TMEM132E: variants seen among roughly 807,000 people sequenced by gnomAD.
The protein encoded by TMEM132E is transmembrane protein 132E.
Under a neutral mutation model 78.5 loss-of-function variants are expected in TMEM132E, and 49 were observed. The ratio of observed to expected loss-of-function variants is 0.62; its 90% CI spans 0.50 to 0.79. The LOEUF is 0.79. Ranked by LOEUF, TMEM132E falls within the 30% of genes least tolerant of loss-of-function variation. The probability of loss-of-function intolerance (pLI) is 0.00; values close to 1 mark genes in which losing one functional copy is unlikely to be tolerated. For synonymous variants in TMEM132E, 715 were observed against 670.6 expected (o/e 1.07, Z -1.02); for missense variants, 1,403 against 1,470.9 (o/e 0.95, Z 0.75).
In TMEM132E at chr17:34,582,798, A is replaced by C. The variant is rs151008378; in HGVS notation, c.67+1655A>C. On this transcript the variant is annotated intron_variant, in intron 1 of 8. Transcript: ENST00000631683. ...CCTGCCCAGTAGGAGGAAGCCCAGA[A>C]ACCCAGGCCTGAGTCTAGGTGGGTT... Among the ~76,000 whole-genome samples the C allele has an allele frequency of 7.2e-5, 11 of 152,176 alleles. No homozygotes were observed. In the East Asian group the frequency reaches 2.1e-3, roughly 29 times the overall value.
intron 5 of TMEM132E, among the ~76,000 whole-genome samples, chr17:34,631,634 C>T (rs1462965475): frequency 1.3e-5 from 2 of 152,144 alleles, no homozygotes; most frequent in Non-Finnish European, 2.9e-5. Context: ...CTGTCCCATC[C>T]CTCCACCCAC....
intron 5 of TMEM132E, 82 bp from the exon 6 acceptor site, chr17:34,632,621 TG>T (rs1234139540): frequency 2.0e-6 from 3 of 1,466,942 alleles, no homozygotes; most frequent in South Asian, 1.2e-5. Flanking sequence ...CCTCCAGCCC[TG>T]GTTGTCAGAC....
Position 34,580,922 on chromosome 17 carries a change from CAA to C in TMEM132E, c.-153_-152del. On this transcript the variant is annotated 5_prime_UTR_variant, in exon 1 of 9. Transcript: ENST00000631683. The stretch of plus-strand genomic sequence containing the variant: ...CAGCGCCTGGGACGCCCCCTCCCCG[CAA>C]AGTGTCCCCGAATTGCACTCTCTGG... 2.0e-6 allele frequency: 1 copy of C among 505,886 alleles called. No homozygotes were observed. The highest frequency in any genetic ancestry group is 3.5e-5 in the South Asian group (1 of 28,938). The allele number at this position is 505,886 out of a possible 1,614,324, so 31.3% of individuals were successfully genotyped here. A position where few individuals can be genotyped will look rare whatever the true frequency, so the allele number is the denominator to read the frequency against.
intron 1 of TMEM132E, among the ~76,000 whole-genome samples, chr17:34,622,355 T>G (rs772808387): frequency 6.6e-6 from 1 of 152,158 alleles, no homozygotes; most frequent in Non-Finnish European, 1.5e-5. Flanking sequence ...CCTGCTCCAA[T>G]GCTGAGGAGA....
Position 34,636,177 on chromosome 17 carries a change from G to C in TMEM132E, c.2148G>C (p.Gln716His). The C allele has an allele frequency of 4.6e-6, 7 of 1,520,390 alleles. No individual in the cohort carries two copies. The highest frequency in any genetic ancestry group is 6.2e-6 in the Non-Finnish European group (7 of 1,135,094). 94.2% of individuals were successfully genotyped at this position (1,520,390 alleles called of 1,614,324 possible). A position where few individuals can be genotyped will look rare whatever the true frequency, so the allele number is the denominator to read the frequency against. ...TCCTAGCCACCACAGCTGCCCAACA[G>C]ACCTTGAGCTTCCTCAAGCAGGTAA... ...HTILATTAAQ[Q>H]TLSFLKQEAL... Residue 716 changes from glutamine to histidine, a missense_variant, in exon 8 of 9, where the codon CAG (glutamine) becomes CAC (histidine). Transcript: ENST00000631683.
At chr17:34,613,211 A>ACACACGCGCGCGCGCG in intron 1 of TMEM132E, among the ~76,000 whole-genome samples, 45 of 115,968 alleles carry the variant, frequency 3.9e-4, no homozygotes, top group Admixed American at 5.9e-4. Context: ...ACACACACAC[A>ACACACGCGCGCGCGCG]CGCGCGCGCG....
In TMEM132E at chr17:34,629,087, G is replaced by C. The variant is rs8079978; in HGVS notation, c.1221G>C (p.Arg407=). Reference sequence around the variant, plus strand: ...ACTTCACCAGCCAGTCAGTCAAGCGGAGGATCATGTGGCACATTGACTACC... The same window carrying C: ...ACTTCACCAGCCAGTCAGTCAAGCGCAGGATCATGTGGCACATTGACTACC... ...MENFTSQSVK[R]RIMWHIDYRG... is the part of the protein sequence containing the mutation. The change falls in exon 4 of 9, where the codon CGG becomes CGC. Residue 407 remains arginine (R), a synonymous_variant. Coordinates refer to ENST00000631683, the MANE Select transcript of TMEM132E (RefSeq NM_001304438.2). 12,579 of 1,611,088 alleles carry C rather than the reference G, an allele frequency of 7.8e-3. 554 individuals carry two copies. The South Asian group carries it at 0.088, about 11-fold the overall frequency.
chr17:34,600,146 C>G (rs1555562455), intron 1 of TMEM132E, among the ~76,000 whole-genome samples: 1 of 152,230 alleles, frequency 6.6e-6, no homozygotes, highest in Non-Finnish European at 1.5e-5. Flanking sequence ...GTCCCCTGTT[C>G]TAGGACCCAG....
Position 34,638,399 on chromosome 17 carries a change from C to T in TMEM132E, c.*167C>T, listed in dbSNP as rs1907624950. The T allele has an allele frequency of 1.2e-5, 8 of 688,606 alleles. 1 individual carries two copies. In the East Asian group the frequency reaches 2.0e-4, roughly 17 times the overall value. 42.7% of individuals were successfully genotyped at this position (688,606 alleles called of 1,614,324 possible). On this transcript the variant is annotated 3_prime_UTR_variant, in exon 9 of 9. Transcript: ENST00000631683. Reference sequence around the variant, plus strand: ...GAGCGGGCCGCCTCAGTGTCTGGGCCTTCCCTCGCCTCACGCCATTACCCT... The same window carrying T: ...GAGCGGGCCGCCTCAGTGTCTGGGCTTTCCCTCGCCTCACGCCATTACCCT...
At chr17:34,625,643 C>T (rs1018560209) in intron 1 of TMEM132E, among the ~76,000 whole-genome samples, 4 of 149,394 alleles carry the variant, frequency 2.7e-5, no homozygotes, top group African/African-American at 1.0e-4. Context: ...ATGAAATACG[C>T]TAAGGCCTGT....
intron 1 of TMEM132E, among the ~76,000 whole-genome samples, chr17:34,598,143 G>T (rs528851435): frequency 6.6e-6 from 1 of 152,204 alleles, no homozygotes; most frequent in Non-Finnish European, 1.5e-5. Flanking sequence ...GAGAGTGGAG[G>T]TACCTCCCTA....
At position 34,638,265 on chromosome 17, in the gene TMEM132E, C is replaced by CCCCA. The variant is rs1555565383; in HGVS notation, c.*35_*36insCACC. On this transcript the variant is annotated 3_prime_UTR_variant, in exon 9 of 9. Coordinates refer to ENST00000631683, the MANE Select transcript of TMEM132E (RefSeq NM_001304438.2). The stretch of plus-strand genomic sequence containing the variant: ...AGCCGGAGTAGCAGGGACCCCCCCC[C>CCCCA]CCAACGGGGTCAGCTCGGGGTAGGA... The CCCCA allele has an allele frequency of 5.4e-6, 8 of 1,470,568 alleles. No homozygotes were observed. In the African/African-American group the frequency reaches 1.1e-4, roughly 19 times the overall value. 91.1% of individuals were successfully genotyped at this position (1,470,568 alleles called of 1,614,324 possible).
Position 34,637,506 on chromosome 17 carries a change from CG to C in TMEM132E, c.2504del (p.Gly835AlafsTer50). ...CGGGCCCCAGCCAACCAGGGCCCGGCGGGGGCGAGGACGAGGCCCGGGGAGC... is the reference window on the plus strand; with the variant it reads ...CGGGCCCCAGCCAACCAGGGCCCGGCGGGGCGAGGACGAGGCCCGGGGAGC... ...YPGPSQPGPGGGEDEARGAGP... is the reference protein window; with the variant it reads ...YPGPSQPGPGXGEDEARGAGP... On this transcript the variant is annotated frameshift_variant, in exon 9 of 9. Transcript: ENST00000631683. LOFTEE classifies it high-confidence loss of function. 6.2e-7 allele frequency: 1 copy of C among 1,605,790 alleles called. No individual in the cohort carries two copies. Among genetic ancestry groups the C allele is most frequent in the Non-Finnish European group, 8.5e-7 (1 of 1,176,796 alleles).
intron 1 of TMEM132E, among the ~76,000 whole-genome samples, chr17:34,610,597 G>A (rs752585438): frequency 2.0e-5 from 3 of 152,208 alleles, no homozygotes; most frequent in Non-Finnish European, 4.4e-5. Context: ...GATACTGGTG[G>A]GCTGAGGGAG....
intron 1 of TMEM132E, among the ~76,000 whole-genome samples, chr17:34,587,508 G>T (rs1206172837): frequency 6.6e-6 from 1 of 152,180 alleles, no homozygotes; most frequent in African/African-American, 2.4e-5. Context: ...CGTGGTGAGG[G>T]TCTGATAGTG....
In TMEM132E at chr17:34,626,110, C is replaced by G. The variant is rs780806388; in HGVS notation, c.68-17C>G. 20 of 1,490,436 alleles carry G rather than the reference C, an allele frequency of 1.3e-5. No homozygotes were observed. Among genetic ancestry groups the G allele is most frequent in the Non-Finnish European group, 1.7e-5 (19 of 1,124,028 alleles). The allele number at this position is 1,490,436 out of a possible 1,614,324, so 92.3% of individuals were successfully genotyped here. On this transcript the variant is annotated splice_polypyrimidine_tract_variant and intron_variant, in intron 1 of 8. Transcript: ENST00000631683. ...TCTCCTGACCACCCTGGGCCTCTTT[C>G]CTCTGTCTGTCCCCAGCCTCTGGCC...
At chr17:34,593,853 C>G (rs984137424) in intron 1 of TMEM132E, among the ~76,000 whole-genome samples, 9 of 152,244 alleles carry the variant, frequency 5.9e-5, no homozygotes, top group Non-Finnish European at 1.2e-4. Flanking sequence ...CATGATCTGT[C>G]CCTTTTCCCG....
rs185401580 is a variant in TMEM132E at position 34,588,825 on chromosome 17, C to A, written c.67+7682C>A. Among the ~76,000 whole-genome samples, 50 of 152,308 alleles carry A rather than the reference C, an allele frequency of 3.3e-4. 1 individual carries two copies. The East Asian group carries it at 6.0e-3, about 18-fold the overall frequency. On this transcript the variant is annotated intron_variant, in intron 1 of 8. Coordinates refer to ENST00000631683, the MANE Select transcript of TMEM132E (RefSeq NM_001304438.2). ...CTGGAGTGCAGTGGTGCCATCTCGG[C>A]TCACTGCAACCACTGTCTCCTGGGT...
intron 1 of TMEM132E, among the ~76,000 whole-genome samples, chr17:34,613,907 C>A (rs1019872093): frequency 6.6e-6 from 1 of 152,202 alleles, no homozygotes; most frequent in African/African-American, 2.4e-5. Context: ...TCCCCGCCCC[C>A]AAACACAACC....
Sources: allele counts gnomAD v4.1 joint callset (sites outside exome capture counted in the v4.1 genomes callset), GRCh38; gene constraint gnomAD v4.1.1; transcripts MANE v1.5; gene names NCBI Gene and HGNC (gene_info 2026-07-23, HGNC 2026-07-21).